The following STK33 variants were observed in gnomAD, a reference collection of about 807,000 sequenced individuals.
STK33 encodes the protein serine/threonine-protein kinase 33.
In STK33, 52 loss-of-function variants were observed where a neutral mutation model predicts 58.0. That is an observed-to-expected ratio of 0.90 (90% CI 0.72 to 1.13). STK33 has a LOEUF of 1.13. STK33 is among the 50% of genes most tolerant of loss of function. STK33 has a pLI of 0.00. For synonymous variants in STK33, 215 were observed against 200.1 expected (o/e 1.07, Z -0.63); for missense variants, 630 against 604.2 (o/e 1.04, Z -0.45).
chr11:8,343,778 G>T, the STK33 span, among the ~76,000 whole-genome samples: 1 of 151,936 alleles, frequency 6.6e-6, no homozygotes, highest in Non-Finnish European at 1.5e-5. Context: ...ACCATGCCTT[G>T]ACCCTCTGGT....
chr11:8,417,241 G>A (rs1247574773), intron 14 of STK33, among the ~76,000 whole-genome samples: 1 of 152,076 alleles, frequency 6.6e-6, no homozygotes, highest in Admixed American at 6.6e-5. Flanking sequence ...GCTATCACAG[G>A]TAGAGACCAG....
chr11:8,570,785 TTGTC>T (rs752993527), intron 1 of STK33, among the ~76,000 whole-genome samples: 1 of 152,190 alleles, frequency 6.6e-6, no homozygotes, highest in Non-Finnish European at 1.5e-5. Context: ...ACTATCTTCA[TTGTC>T]TGGCAGTTTC....
intron 1 of STK33, among the ~76,000 whole-genome samples, chr11:8,562,584 AG>A (rs1418869864): frequency 1.3e-4 from 20 of 152,174 alleles, no homozygotes; most frequent in Admixed American, 1.3e-3. Flanking sequence ...GTCCATAGCT[AG>A]GAACTGAGCC....
intron 1 of STK33, among the ~76,000 whole-genome samples, chr11:8,572,369 C>G (rs1288721501): frequency 6.6e-6 from 1 of 152,138 alleles, no homozygotes; most frequent in Non-Finnish European, 1.5e-5. Flanking sequence ...AGCAACTTAA[C>G]TGCATGCCAG....
At chr11:8,518,811 C>T (rs559317109) in intron 1 of STK33, among the ~76,000 whole-genome samples, 1 of 152,274 alleles carries the variant, frequency 6.6e-6, no homozygotes, top group African/African-American at 2.4e-5. Context: ...TATATATGCA[C>T]CTAATACAGG....
the STK33 span, among the ~76,000 whole-genome samples, chr11:8,354,511 C>CACACACACACACACACACACAT: frequency 1.4e-5 from 2 of 143,674 alleles, no homozygotes; most frequent in Non-Finnish European, 3.2e-5. Flanking sequence ...CACACACACA[C>CACACACACACACACACACACAT]ACACACCCCT....
At chr11:8,507,476 G>A (rs1182645586) in intron 1 of STK33, among the ~76,000 whole-genome samples, 2 of 152,088 alleles carry the variant, frequency 1.3e-5, no homozygotes, top group Non-Finnish European at 2.9e-5. Flanking sequence ...ACATTGTAAG[G>A]GGGTATGAGA....
chr11:8,552,214 G>T (rs1237448340), intron 1 of STK33, among the ~76,000 whole-genome samples: 1 of 152,224 alleles, frequency 6.6e-6, no homozygotes, highest in Non-Finnish European at 1.5e-5. Flanking sequence ...GAAGGAAGTG[G>T]CACAGACTGA....
At position 8,435,537 on chromosome 11, in the gene STK33, T is replaced by G. The variant is rs1263651173; in HGVS notation, c.1103A>C (p.His368Pro). 6.6e-7 allele frequency: 1 copy of G among 1,524,938 alleles called. No individual in the cohort carries two copies. Among genetic ancestry groups the G allele is most frequent in the Non-Finnish European group, 8.9e-7 (1 of 1,128,380 alleles). 94.5% of individuals were successfully genotyped at this position (1,524,938 alleles called of 1,614,324 possible). The change falls in exon 14 of 16, where the codon CAC (histidine) becomes CCC (proline). Residue 368 changes from histidine (H) to proline (P), a missense_variant. His to Pro is a moderately conservative substitution (Grantham distance 77, BLOSUM62 -2). Transcript: ENST00000687296. Reference sequence around the variant, plus strand: ...TAGTAGTTCCTTAGCTGTGATTCTGTGAGCAGGATCTACTTTCATAAGTTG... The same window carrying G: ...TAGTAGTTCCTTAGCTGTGATTCTGGGAGCAGGATCTACTTTCATAAGTTG... The part of the protein sequence containing the change: ...LKQLMKVDPA[H>P]RITAKELLDN...
intron 11 of STK33, among the ~76,000 whole-genome samples, chr11:8,441,982 T>C (rs1421965397): frequency 6.6e-6 from 1 of 151,758 alleles, no homozygotes; most frequent in Non-Finnish European, 1.5e-5. Flanking sequence ...AAGGTGCGTT[T>C]TTATTTTAGA....
intron 15 of STK33, among the ~76,000 whole-genome samples, chr11:8,397,753 C>T (rs1488584045): frequency 2.0e-5 from 3 of 151,964 alleles, no homozygotes; most frequent in African/African-American, 7.3e-5. Context: ...AACCAATGCA[C>T]AGAAGTCGTT....
chr11:8,497,527 T>C (rs893904822), intron 1 of STK33, among the ~76,000 whole-genome samples: 8 of 152,192 alleles, frequency 5.3e-5, no homozygotes, highest in Admixed American at 2.6e-4. Flanking sequence ...TGGAGTGTAG[T>C]AGCATGATCA....
At chr11:8,426,659 C>T (rs1004159611) in intron 14 of STK33, among the ~76,000 whole-genome samples, 2 of 152,232 alleles carry the variant, frequency 1.3e-5, no homozygotes, top group African/African-American at 2.4e-5. Flanking sequence ...GAACCAAATA[C>T]TGACCTTGTC....
Position 8,518,018 on chromosome 11 carries a change from C to A in STK33, c.-465-37404G>T, listed in dbSNP as rs565793740. Reference sequence around the variant, plus strand: ...CCATAAAGATACTCCTTGAGAAGAGCAACCCCAAGACACATAATTGTCAGA... The same window carrying A: ...CCATAAAGATACTCCTTGAGAAGAGAAACCCCAAGACACATAATTGTCAGA... On this transcript the variant is annotated intron_variant, in intron 1 of 15. Coordinates refer to ENST00000687296, the MANE Select transcript of STK33 (RefSeq NM_001352389.2). Among the ~76,000 whole-genome samples, 11 of 152,220 alleles carry A rather than the reference C, an allele frequency of 7.2e-5. No homozygotes were observed. In the South Asian group the frequency reaches 2.1e-3, roughly 29 times the overall value.
At chr11:8,417,803 C>A (rs1190672208) in intron 14 of STK33, among the ~76,000 whole-genome samples, 12 of 152,058 alleles carry the variant, frequency 7.9e-5, no homozygotes, top group Admixed American at 7.9e-4. Flanking sequence ...TTGATATTCC[C>A]TGTGTCGGTG....
intron 6 of STK33, among the ~76,000 whole-genome samples, chr11:8,469,278 T>G (rs1408520746): frequency 1.3e-5 from 2 of 152,248 alleles, no homozygotes; most frequent in Non-Finnish European, 2.9e-5. Flanking sequence ...ATATTCTAAA[T>G]TTTGTTGTCA....
At chr11:8,394,234 C>T (rs149160712) in intron 15 of STK33, among the ~76,000 whole-genome samples, 31 of 152,234 alleles carry the variant, frequency 2.0e-4, no homozygotes, top group African/African-American at 7.0e-4. Flanking sequence ...GGATACAACA[C>T]CCCTGATGTT....
chr11:8,500,109 G>T (rs1315123002), intron 1 of STK33, among the ~76,000 whole-genome samples: 1 of 152,052 alleles, frequency 6.6e-6, no homozygotes, highest in African/African-American at 2.4e-5. Context: ...AACGGTGAAA[G>T]ATTGAAAGCT....
At chr11:8,432,863 T>C (rs1444684324) in intron 14 of STK33, among the ~76,000 whole-genome samples, 1 of 152,220 alleles carries the variant, frequency 6.6e-6, no homozygotes, top group Non-Finnish European at 1.5e-5. Flanking sequence ...CAATATAGTA[T>C]ACAATATCTG....
Sources: allele counts gnomAD v4.1 joint callset (sites outside exome capture counted in the v4.1 genomes callset), GRCh38; gene constraint gnomAD v4.1.1; transcripts MANE v1.5; gene names NCBI Gene and HGNC (gene_info 2026-07-23, HGNC 2026-07-21).